The following ERBB4 variants were observed in gnomAD, a reference collection of about 807,000 sequenced individuals.
ERBB4 encodes the protein erb-b2 receptor tyrosine kinase 4.
In ERBB4, 42 loss-of-function variants were observed where a neutral mutation model predicts 158.0. That is an observed-to-expected ratio of 0.27 (90% CI 0.21 to 0.34). The LOEUF is 0.34. ERBB4 is among the 10% of genes least tolerant of loss of function. ERBB4 has a pLI of 1.00. For synonymous variants in ERBB4, 583 were observed against 558.7 expected (o/e 1.04, Z -0.61); for missense variants, 1,333 against 1,624.1 (o/e 0.82, Z 3.08).
At chr2:212,127,396 T>C (rs1232611050) in intron 1 of ERBB4, among the ~76,000 whole-genome samples, 2 of 152,110 alleles carry the variant, frequency 1.3e-5, no homozygotes, top group East Asian at 3.9e-4. Flanking sequence ...ATCGAGACCA[T>C]CCTGGTCAAC....
chr2:212,527,613 G>A (rs1481769854), intron 1 of ERBB4, among the ~76,000 whole-genome samples: 2 of 152,012 alleles, frequency 1.3e-5, no homozygotes, highest in Non-Finnish European at 2.9e-5. Context: ...ACAAGACCCT[G>A]TACTTAATTT....
intron 2 of ERBB4, among the ~76,000 whole-genome samples, chr2:211,997,144 G>T (rs1339000499): frequency 6.6e-6 from 1 of 151,632 alleles, no homozygotes; most frequent in East Asian, 1.9e-4. Context: ...AACCCCGTTT[G>T]CCGGATTAAC....
intron 19 of ERBB4, among the ~76,000 whole-genome samples, chr2:211,593,013 A>AAAG (rs1473856199): frequency 9.1e-5 from 1 of 10,932 alleles, no homozygotes; most frequent in African/African-American, 1.2e-4. Flanking sequence ...ACTCCATCTC[A>AAAG]AAAAAAAAAA....
intron 1 of ERBB4, among the ~76,000 whole-genome samples, chr2:212,434,302 A>T (rs1156801694): frequency 6.6e-6 from 1 of 151,980 alleles, no homozygotes; most frequent in Non-Finnish European, 1.5e-5. Context: ...TGAATTACAG[A>T]GCTGCTAGAA....
chr2:211,811,313 C>G (rs189274823), intron 3 of ERBB4, among the ~76,000 whole-genome samples: 199 of 152,232 alleles, frequency 1.3e-3, no homozygotes, highest in African/African-American at 4.6e-3. Flanking sequence ...GTTGAAATTT[C>G]TTTTCTTTAA....
intron 20 of ERBB4, among the ~76,000 whole-genome samples, chr2:211,550,003 AT>A (rs1392998159): frequency 3.9e-5 from 6 of 152,222 alleles, no homozygotes; most frequent in Admixed American, 6.5e-5. Context: ...AGCCAGAATA[AT>A]TTTTCCCCAG....
chr2:212,510,487 A>C (rs548696587), intron 1 of ERBB4, among the ~76,000 whole-genome samples: 1 of 151,978 alleles, frequency 6.6e-6, no homozygotes, highest in South Asian at 2.1e-4. Context: ...GGATTTGGCT[A>C]AAGGGTTTTC....
intron 1 of ERBB4, among the ~76,000 whole-genome samples, chr2:212,314,568 A>G (rs1017859502): frequency 1.3e-5 from 2 of 151,244 alleles, no homozygotes; most frequent in Non-Finnish European, 3.0e-5. Context: ...TTTAAAAAAA[A>G]TCCAAAATAA....
chr2:212,439,992 T>C (rs13027397), intron 1 of ERBB4, among the ~76,000 whole-genome samples: 22,146 of 152,176 alleles, frequency 0.15, 2,155 homozygotes, highest in Non-Finnish European at 0.22. Flanking sequence ...CTATAGGATA[T>C]AATAATGAGT....
chr2:211,968,429 A>T (rs762750535), intron 2 of ERBB4, among the ~76,000 whole-genome samples: 6 of 152,094 alleles, frequency 3.9e-5, no homozygotes, highest in Non-Finnish European at 8.8e-5. Context: ...AGCTGTGACC[A>T]AATAGGACAT....
intron 1 of ERBB4, among the ~76,000 whole-genome samples, chr2:212,397,202 T>C (rs2091053691): frequency 6.6e-6 from 1 of 152,066 alleles, no homozygotes; most frequent in Non-Finnish European, 1.5e-5. Context: ...AGGCAGGCCA[T>C]GGTGGTTCAT....
chr2:211,459,054 C>G (rs1314297166), intron 20 of ERBB4, among the ~76,000 whole-genome samples: 1 of 152,048 alleles, frequency 6.6e-6, no homozygotes, highest in African/African-American at 2.4e-5. Context: ...CTCATAAAAG[C>G]AAAAACTATA....
intron 20 of ERBB4, among the ~76,000 whole-genome samples, chr2:211,546,560 CAG>C (rs1353295004): frequency 6.6e-6 from 1 of 152,038 alleles, no homozygotes; most frequent in Non-Finnish European, 1.5e-5. Context: ...CTTCTGTAAC[CAG>C]AGTGATCTGC....
intron 1 of ERBB4, among the ~76,000 whole-genome samples, chr2:212,213,745 G>C (rs866922060): frequency 6.6e-6 from 1 of 151,814 alleles, no homozygotes; most frequent in Non-Finnish European, 1.5e-5. Context: ...ATAATCACCA[G>C]GCCCCAACTT....
At position 211,378,054 on chromosome 2, in the gene ERBB4, A is replaced by G. The variant is rs1316609758; in HGVS notation, c.*5561T>C. 1.3e-5 allele frequency: 3 copies of G among 233,052 alleles called. No homozygotes were observed. The highest frequency in any genetic ancestry group is 6.6e-5 in the African/African-American group (3 of 45,296). 14.4% of individuals were successfully genotyped at this position (233,052 alleles called of 1,614,324 possible). ...CTCAGAGATCCACTATGGCTTAAGA[A>G]AGGAACAGGACAGCATCGGGGGACT... On this transcript the variant is annotated 3_prime_UTR_variant, in exon 28 of 28. Transcript: ENST00000342788.
chr2:211,395,810 G>T, intron 25 of ERBB4, among the ~76,000 whole-genome samples: 1 of 152,020 alleles, frequency 6.6e-6, no homozygotes, highest in East Asian at 1.9e-4. Context: ...ACCTATAAAA[G>T]CCAGTTATTA....
intron 1 of ERBB4, among the ~76,000 whole-genome samples, chr2:212,178,382 A>T (rs981214305): frequency 6.6e-6 from 1 of 151,756 alleles, no homozygotes; most frequent in Non-Finnish European, 1.5e-5. Context: ...TAAAAATGAG[A>T]GTTATGTAAA....
chr2:211,987,086 C>T (rs190195449), intron 2 of ERBB4, among the ~76,000 whole-genome samples: 18 of 152,008 alleles, frequency 1.2e-4, no homozygotes, highest in South Asian at 1.0e-3. Context: ...TTTGGGAGGC[C>T]GAGGTGGCTG....
At chr2:212,343,253 A>G (rs1402332367) in intron 1 of ERBB4, among the ~76,000 whole-genome samples, 2 of 152,196 alleles carry the variant, frequency 1.3e-5, no homozygotes, top group African/African-American at 4.8e-5. Flanking sequence ...TCTAAGTCTC[A>G]AATAATTTCA....
Sources: allele counts gnomAD v4.1 joint callset (sites outside exome capture counted in the v4.1 genomes callset), GRCh38; gene constraint gnomAD v4.1.1; transcripts MANE v1.5; gene names NCBI Gene and HGNC (gene_info 2026-07-23, HGNC 2026-07-21).